TRUB1: variants seen among roughly 807,000 people sequenced by gnomAD.
The protein encoded by TRUB1 is pseudouridylate synthase TRUB1.
TRUB1 carries 23 observed loss-of-function variants against 33.9 expected under a neutral mutation model. The ratio of observed to expected loss-of-function variants is 0.68; its 90% CI spans 0.49 to 0.96. The LOEUF is 0.96. Ranked by LOEUF, TRUB1 falls within the 40% of genes least tolerant of loss-of-function variation. The pLI is 0.00. For missense variants in TRUB1, 378 were observed against 422.2 expected (o/e 0.90, Z 0.92); for synonymous variants, 163 against 165.4 (o/e 0.99, Z 0.11).
intron 4 of TRUB1, among the ~76,000 whole-genome samples, chr10:114,963,642 A>G (rs2084293777): frequency 6.6e-6 from 1 of 152,234 alleles, no homozygotes; most frequent in African/African-American, 2.4e-5. Context: ...CTGTTCTAAC[A>G]TCCAATGCTA....
intron 4 of TRUB1, among the ~76,000 whole-genome samples, chr10:114,970,160 A>G (rs1014684652): frequency 2.0e-5 from 3 of 152,204 alleles, no homozygotes; most frequent in Non-Finnish European, 2.9e-5. Context: ...AATTGTTTTA[A>G]TAAAGAATAT....
chr10:114,955,556 C>T (rs925422787), intron 3 of TRUB1, among the ~76,000 whole-genome samples: 31 of 152,248 alleles, frequency 2.0e-4, no homozygotes, highest in African/African-American at 7.0e-4. Context: ...AACTTTGTAT[C>T]CCCCTCCAGT....
intron 6 of TRUB1, 38 bp downstream of exon 6, chr10:114,972,312 G>A: frequency 6.4e-7 from 1 of 1,557,096 alleles, no homozygotes; most frequent in Non-Finnish European, 8.6e-7. Context: ...GTATTTACGT[G>A]TATTTTTAAT....
intron 4 of TRUB1, chr10:114,969,344 A>G (rs2084324662): frequency 6.6e-6 from 1 of 151,420 alleles, no homozygotes; most frequent in South Asian, 2.1e-4. Context: ...GAGACACTAG[A>G]ATCGCTTGAA....
intron 2 of TRUB1, among the ~76,000 whole-genome samples, chr10:114,950,147 C>T (rs935819083): frequency 1.3e-5 from 2 of 152,270 alleles, no homozygotes; most frequent in East Asian, 1.9e-4. Context: ...ATCCGCCCGC[C>T]TCAACCTCCC....
intron 5 of TRUB1, 47 bp from the exon 6 acceptor site, chr10:114,972,088 A>T (rs745490178): frequency 6.2e-7 from 1 of 1,604,166 alleles, no homozygotes; most frequent in Admixed American, 1.7e-5. Context: ...ATCCCTCTCA[A>T]TTCTTGCTCT....
intron 4 of TRUB1, among the ~76,000 whole-genome samples, chr10:114,968,995 A>C (rs1156971926): frequency 2.0e-5 from 3 of 152,212 alleles, no homozygotes; most frequent in Non-Finnish European, 4.4e-5. Flanking sequence ...AGATTATAGA[A>C]TATTTCTGTG....
chr10:114,948,005 T>C (rs2084218311), intron 2 of TRUB1, among the ~76,000 whole-genome samples: 1 of 152,230 alleles, frequency 6.6e-6, no homozygotes, highest in Non-Finnish European at 1.5e-5. Flanking sequence ...CTAAAGAGAC[T>C]CTCATCATAA....
chr10:114,956,824 C>T (rs2084263589), intron 3 of TRUB1, among the ~76,000 whole-genome samples: 1 of 152,020 alleles, frequency 6.6e-6, no homozygotes, highest in South Asian at 2.1e-4. Flanking sequence ...GCAGATATAA[C>T]ATGTTTTTAA....
At chr10:114,953,428 G>A in intron 3 of TRUB1, among the ~76,000 whole-genome samples, 1 of 152,184 alleles carries the variant, frequency 6.6e-6, no homozygotes, top group South Asian at 2.1e-4. Flanking sequence ...GTTTAATGTT[G>A]AAGATTATTT....
chr10:114,942,577 C>T (rs1057304030), intron 1 of TRUB1, 68 bp from the exon 2 acceptor site: 2 of 1,083,522 alleles, frequency 1.8e-6, no homozygotes, highest in African/African-American at 1.6e-5. Context: ...CTTTTCCTCC[C>T]AAGTTTATGA....
At chr10:114,939,707 G>A (rs1442363617) in intron 1 of TRUB1, among the ~76,000 whole-genome samples, 1 of 152,084 alleles carries the variant, frequency 6.6e-6, no homozygotes, top group Non-Finnish European at 1.5e-5. Flanking sequence ...GTCATACAGA[G>A]GACGTCAAAG....
chr10:114,944,030 G>T (rs1320848777), intron 2 of TRUB1, among the ~76,000 whole-genome samples: 3 of 131,256 alleles, frequency 2.3e-5, no homozygotes, highest in African/African-American at 9.5e-5. Flanking sequence ...TTTGCACCTG[G>T]TAGAGATTCT....
At chr10:114,958,759 T>C (rs1158449102) in intron 3 of TRUB1, among the ~76,000 whole-genome samples, 1 of 152,248 alleles carries the variant, frequency 6.6e-6, no homozygotes, top group Non-Finnish European at 1.5e-5. Context: ...ATGATCTAAT[T>C]CTTCACTTGT....
chr10:114,967,939 C>G (rs1321697553), intron 4 of TRUB1, among the ~76,000 whole-genome samples: 2 of 152,090 alleles, frequency 1.3e-5, no homozygotes, highest in Non-Finnish European at 1.5e-5. Flanking sequence ...CTTTTAAATG[C>G]CCTTCAGCCT....
At chr10:114,951,060 A>G (rs1159909146) in intron 2 of TRUB1, 34 bp from the exon 3 acceptor site, 2 of 1,581,020 alleles carry the variant, frequency 1.3e-6, no homozygotes, top group Middle Eastern at 3.3e-4. Context: ...TTTTCAGAAC[A>G]GAGTGTCATA....
intron 2 of TRUB1, 26 bp from the exon 3 acceptor site, chr10:114,951,068 A>T (rs759376702): frequency 6.2e-7 from 1 of 1,602,842 alleles, no homozygotes; most frequent in East Asian, 2.2e-5. Flanking sequence ...ACAGAGTGTC[A>T]TAATATTTCT....
At position 114,938,274 on chromosome 10, in the gene TRUB1, G is replaced by T. The variant is rs368115884; in HGVS notation, c.21G>T (p.Ala7=). The T allele has an allele frequency of 1.9e-6, 3 of 1,614,070 alleles. No homozygotes were observed. Among genetic ancestry groups the T allele is most frequent in the Non-Finnish European group, 2.5e-6 (3 of 1,180,032 alleles). Residue 7 remains alanine, a synonymous_variant, in exon 1 of 8, where the codon GCG becomes GCT. Coordinates refer to ENST00000298746, the MANE Select transcript of TRUB1 (RefSeq NM_139169.5). MAASEA[A]VVSSPSLKTD... is the part of the protein sequence containing the mutation. ...AAAGTATGGCCGCTTCTGAGGCGGC[G>T]GTGGTGTCTTCGCCGTCTTTGAAAA... is the stretch of plus-strand genomic sequence containing the variant.
intron 3 of TRUB1, among the ~76,000 whole-genome samples, chr10:114,957,073 C>G (rs773246145): frequency 3.9e-5 from 6 of 152,178 alleles, no homozygotes; most frequent in Non-Finnish European, 8.8e-5. Context: ...GAATTGCACA[C>G]ATAGGCACTT....
Sources: allele counts gnomAD v4.1 joint callset (sites outside exome capture counted in the v4.1 genomes callset), GRCh38; gene constraint gnomAD v4.1.1; transcripts MANE v1.5; gene names NCBI Gene and HGNC (gene_info 2026-07-23, HGNC 2026-07-21).